Variants in SNTG1 observed in about 807,000 individuals in gnomAD.
The protein encoded by SNTG1 is gamma-1-syntrophin.
SNTG1 carries 39 observed loss-of-function variants against 74.7 expected under a neutral mutation model. The observed-to-expected ratio is 0.52, with a 90% confidence interval of 0.40 to 0.68. The LOEUF (loss-of-function observed/expected upper bound fraction) is 0.68, where lower values mean the gene tolerates loss of function less well. Among genes scored for constraint, SNTG1 ranks in the 30% least tolerant of loss-of-function variants. SNTG1 has a pLI of 0.00. For synonymous variants in SNTG1, 254 were observed against 217.1 expected (o/e 1.17, Z -1.49); for missense variants, 685 against 609.5 (o/e 1.12, Z -1.30).
chr8:50,062,091 TG>T (rs1820523515), intron 1 of SNTG1, among the ~76,000 whole-genome samples: 1 of 152,212 alleles, frequency 6.6e-6, no homozygotes, highest in Admixed American at 6.5e-5. Flanking sequence ...TTACCCAGAC[TG>T]GAGTACAGTG....
At chr8:50,474,955 T>C (rs1042141579) in intron 8 of SNTG1, among the ~76,000 whole-genome samples, 2 of 151,796 alleles carry the variant, frequency 1.3e-5, no homozygotes, top group South Asian at 4.2e-4. Context: ...GAAACCATCA[T>C]TCTGAGCAAA....
intron 12 of SNTG1, among the ~76,000 whole-genome samples, chr8:50,553,691 A>G (rs2094439890): frequency 2.0e-5 from 3 of 152,018 alleles, no homozygotes. Flanking sequence ...TTCCACTACA[A>G]CCGTTGCTTC....
intron 12 of SNTG1, among the ~76,000 whole-genome samples, chr8:50,573,190 C>A (rs1251803914): frequency 6.6e-6 from 1 of 152,006 alleles, no homozygotes; most frequent in East Asian, 1.9e-4. Flanking sequence ...TTGAATTTCC[C>A]TGCTGGTCTA....
At chr8:50,370,237 T>C (rs1049441635) in intron 2 of SNTG1, among the ~76,000 whole-genome samples, 4 of 152,170 alleles carry the variant, frequency 2.6e-5, no homozygotes, top group Non-Finnish European at 5.9e-5. Flanking sequence ...ATGAAGGAGC[T>C]CTTTTTTCCT....
At chr8:50,449,551 T>A in intron 5 of SNTG1, 117 bp from the exon 6 acceptor site, 1 of 651,816 alleles carries the variant, frequency 1.5e-6, no homozygotes, top group Non-Finnish European at 2.3e-6. Flanking sequence ...TCCACAAGTT[T>A]ATTTAAATTC....
chr8:50,779,519 T>C lies in SNTG1; in HGVS notation c.1396-13152T>C, dbSNP rs183122002. 8.9e-3 allele frequency among the ~76,000 whole-genome samples: 1,348 copies of C among 152,098 alleles called. 24 individuals carry two copies. The highest frequency in any genetic ancestry group is 0.031 in the African/African-American group (1,281 of 41,376). ...GCTCTCTGTTTGTCTTTTATTGGTG[T>C]ATAAGAATGCTTGTGATTTTTGTAC... On this transcript the variant is annotated intron_variant, in intron 18 of 18. Transcript: ENST00000642720.
In SNTG1 at chr8:50,704,721, C is replaced by T. The variant is rs2095437781; in HGVS notation, c.1160C>T (p.Thr387Ile). Residue 387 changes from threonine (T) to isoleucine (I), a missense_variant, in exon 16 of 19, where the codon ACA becomes ATA. Transcript: ENST00000642720. Reference sequence around the variant, plus strand: ...GCCCAGTGGGAAAGAGCCTTCCAGACAGCAACCTTTCTAGAAGTAGAACGG... The same window carrying T: ...GCCCAGTGGGAAAGAGCCTTCCAGATAGCAACCTTTCTAGAAGTAGAACGG... Reference protein sequence around the residue: ...DLAQWERAFQTATFLEVERIQ... With the variant: ...DLAQWERAFQIATFLEVERIQ... The T allele has an allele frequency of 6.2e-7, 1 of 1,613,988 alleles. No homozygotes were observed.
intron 1 of SNTG1, among the ~76,000 whole-genome samples, chr8:49,997,804 A>G (rs141206896): frequency 6.6e-6 from 1 of 152,084 alleles, no homozygotes; most frequent in Non-Finnish European, 1.5e-5. Context: ...GTCATTAGAA[A>G]TCTATTGTTT....
chr8:50,701,112 TA>T (rs146718987), intron 15 of SNTG1, among the ~76,000 whole-genome samples: 3,290 of 152,268 alleles, frequency 0.022, 99 homozygotes, highest in African/African-American at 0.071. Context: ...TTCTGACTAA[TA>T]ATGACATTAG....
intron 13 of SNTG1, among the ~76,000 whole-genome samples, chr8:50,595,618 CT>C (rs1352931664): frequency 6.6e-6 from 1 of 152,010 alleles, no homozygotes; most frequent in African/African-American, 2.4e-5. Flanking sequence ...CATTGGCTTT[CT>C]TTTCTAAATA....
chr8:50,701,661 T>G lies in SNTG1; in HGVS notation c.1039-2939T>G, dbSNP rs576275619. 2.8e-3 allele frequency among the ~76,000 whole-genome samples: 414 copies of G among 145,576 alleles called. 6 individuals carry two copies. Among genetic ancestry groups the G allele is most frequent in the African/African-American group, 0.011 (396 of 36,474 alleles). ...CTTCTTCCTCCTCTTTTTCTTCCTC[T>G]TCTTCTTCTTCCTTCTTCTTCTTCT... On this transcript the variant is annotated intron_variant, in intron 15 of 18. Transcript: ENST00000642720.
At chr8:50,513,917 C>G (rs1248532133) in intron 9 of SNTG1, among the ~76,000 whole-genome samples, 1 of 152,166 alleles carries the variant, frequency 6.6e-6, no homozygotes, top group East Asian at 1.9e-4. Flanking sequence ...ACTGCACCCA[C>G]TCTCCTGCAC....
At chr8:50,129,789 A>G (rs1159488044) in intron 1 of SNTG1, among the ~76,000 whole-genome samples, 2 of 152,074 alleles carry the variant, frequency 1.3e-5, no homozygotes, top group Non-Finnish European at 2.9e-5. Context: ...CTAAATACAG[A>G]GTAATTTCAT....
At chr8:50,733,823 G>T (rs570335758) in intron 17 of SNTG1, among the ~76,000 whole-genome samples, 1 of 150,792 alleles carries the variant, frequency 6.6e-6, no homozygotes, top group Non-Finnish European at 1.5e-5. Flanking sequence ...ACATTTTATC[G>T]TATTTTATAC....
chr8:50,435,043 C>G (rs1321808708), intron 4 of SNTG1, among the ~76,000 whole-genome samples: 1 of 151,936 alleles, frequency 6.6e-6, no homozygotes, highest in Non-Finnish European at 1.5e-5. Flanking sequence ...TACAATCTTT[C>G]TCTATATGCA....
rs1554580681 is a variant in SNTG1 at position 50,115,576 on chromosome 8, A to AAAAAACAAAAAAAAAAAAAAC, written c.-102-56980_-102-56979insCAAAAAAAAAAAAAACAAAAA. Among the ~76,000 whole-genome samples the AAAAAACAAAAAAAAAAAAAAC allele has an allele frequency of 7.3e-3, 609 of 82,882 alleles. 64 individuals carry two copies. Among genetic ancestry groups the AAAAAACAAAAAAAAAAAAAAC allele is most frequent in the Middle Eastern group, 0.044 (7 of 158 alleles). The allele number at this position is 82,882 out of a possible 152,430, so 54.4% of individuals were successfully genotyped here. A position where few individuals can be genotyped will look rare whatever the true frequency, so the allele number is the denominator to read the frequency against. On this transcript the variant is annotated intron_variant, in intron 1 of 18. Coordinates refer to ENST00000642720, the MANE Select transcript of SNTG1 (RefSeq NM_018967.5). ...GAGCGAGACTCTGTCTCAAAAAAAAAAAAAAAAAAAACGAGATGGTTGAAG... is the reference window on the plus strand; with the variant it reads ...GAGCGAGACTCTGTCTCAAAAAAAAAAAAAACAAAAAAAAAAAAAACAAAAAAAAAAACGAGATGGTTGAAG...
intron 2 of SNTG1, among the ~76,000 whole-genome samples, chr8:50,280,985 C>CAAAAAAAAAAAAAAAAAAAAAA (rs35973666): frequency 5.3e-5 from 4 of 75,458 alleles, no homozygotes; most frequent in African/African-American, 1.0e-4. Context: ...AACCCAGTCT[C>CAAAAAAAAAAAAAAAAAAAAAA]AAAAAAAAAA....
intron 1 of SNTG1, among the ~76,000 whole-genome samples, chr8:50,039,055 A>C (rs1818398379): frequency 6.6e-6 from 1 of 152,142 alleles, no homozygotes; most frequent in Admixed American, 6.5e-5. Context: ...TGGTTTCAGA[A>C]ATTAAAATGG....
At chr8:50,580,704 C>T (rs200125447) in intron 12 of SNTG1, among the ~76,000 whole-genome samples, 3 of 152,178 alleles carry the variant, frequency 2.0e-5, no homozygotes, top group South Asian at 4.1e-4. Flanking sequence ...GTCTTTGCTT[C>T]CCCTTCCATC....
Sources: allele counts gnomAD v4.1 joint callset (sites outside exome capture counted in the v4.1 genomes callset), GRCh38; gene constraint gnomAD v4.1.1; transcripts MANE v1.5; gene names NCBI Gene and HGNC (gene_info 2026-07-23, HGNC 2026-07-21).